Variants in RASGRF2 observed in about 807,000 individuals in gnomAD.
The protein encoded by RASGRF2 is ras-specific guanine nucleotide-releasing factor 2.
RASGRF2 carries 76 observed loss-of-function variants against 151.0 expected under a neutral mutation model. That is an observed-to-expected ratio of 0.50 (90% CI 0.42 to 0.61). The LOEUF (loss-of-function observed/expected upper bound fraction) is 0.61. Among genes scored for constraint, RASGRF2 ranks in the 20% least tolerant of loss-of-function variants. The pLI, the probability that RASGRF2 is intolerant of heterozygous loss-of-function variation, is 0.00. For synonymous variants in RASGRF2, 504 were observed against 566.5 expected (o/e 0.89, Z 1.57); for missense variants, 1,148 against 1,564.6 (o/e 0.73, Z 4.49).
intron 18 of RASGRF2, among the ~76,000 whole-genome samples, chr5:81,192,550 A>G (rs944704860): frequency 6.6e-6 from 1 of 152,242 alleles, no homozygotes; most frequent in African/African-American, 2.4e-5. Context: ...CGACGCAGGC[A>G]GGCCAGCGGT....
chr5:81,174,676 C>T (rs6895645), intron 17 of RASGRF2, among the ~76,000 whole-genome samples: 130,820 of 151,854 alleles, frequency 0.86, 56,578 homozygotes, highest in African/African-American at 0.93. Flanking sequence ...ATATCAGTCA[C>T]TTTTAAACTT....
At chr5:81,049,876 A>G (rs954168657) in intron 2 of RASGRF2, among the ~76,000 whole-genome samples, 4 of 152,108 alleles carry the variant, frequency 2.6e-5, no homozygotes, top group African/African-American at 9.7e-5. Flanking sequence ...GTAGAAATTC[A>G]CCAACATGTA....
intron 1 of RASGRF2, among the ~76,000 whole-genome samples, chr5:81,034,787 TG>T (rs1386521173): frequency 1.1e-5 from 1 of 89,584 alleles, no homozygotes; most frequent in African/African-American, 5.3e-5. Flanking sequence ...CATCACACTC[TG>T]GGGACTGTTG....
rs144394933 is a variant in RASGRF2, at chr5:81,230,099, C to G, written c.*4329C>G. On this transcript the variant is annotated 3_prime_UTR_variant, in exon 27 of 27. Transcript: ENST00000265080. ...GAGGGGTTTGTGCTGTGGCCTAACA[C>G]TTGCCAAGTGAGGTGTAGGTTATGC... 3 of 152,208 alleles carry G rather than the reference C, an allele frequency of 2.0e-5. No individual in the cohort carries two copies. The South Asian group carries it at 6.2e-4, about 32-fold the overall frequency. 9.4% of individuals were successfully genotyped at this position (152,208 alleles called of 1,614,324 possible).
Position 80,969,815 on chromosome 5 carries a change from CTTTTTTTTTTTTTTTT to C in RASGRF2, c.288+8802_288+8817del, listed in dbSNP as rs10584906. On this transcript the variant is annotated intron_variant, in intron 1 of 26. Coordinates refer to ENST00000265080, the MANE Select transcript of RASGRF2 (RefSeq NM_006909.3). ...ACAGATGCCAATAATACTTCTTCTT[CTTTTTTTTTTTTTTTT>C]TTTTTTTTTTTTGAGACAGAGTTTT... 2.2e-3 allele frequency among the ~76,000 whole-genome samples: 166 copies of C among 76,950 alleles called. 2 individuals are homozygous for C. The highest frequency in any genetic ancestry group is 1.0e-2 in the African/African-American group (148 of 14,820). The allele number at this position is 76,950 out of a possible 152,430, so 50.5% of individuals were successfully genotyped here.
chr5:81,080,179 A>T lies in RASGRF2; in HGVS notation c.946A>T (p.Asn316Tyr), dbSNP rs769439724. ...FHQGLKARIA[N>Y]WPTLILADLF... is the part of the protein sequence containing the mutation. ...TCAAGGACTAAAGGCAAGGATAGCA[A>T]ACTGGCCCACTTTAATTTTAGGTAA... is the stretch of plus-strand genomic sequence containing the variant. Residue 316 changes from asparagine to tyrosine, a missense_variant, in exon 6 of 27, where the codon AAC (asparagine) becomes TAC (tyrosine). Around this residue, in one of 5 missense-constraint regions of RASGRF2, gnomAD observed 176 missense variants for 309.6 expected, o/e 0.57. Coordinates refer to ENST00000265080, the MANE Select transcript of RASGRF2 (RefSeq NM_006909.3). 2 of 1,598,908 alleles carry T rather than the reference A, an allele frequency of 1.3e-6. No homozygotes were observed. The highest frequency in any genetic ancestry group is 4.5e-5 in the East Asian group (2 of 44,744).
rs141402181 is a variant in RASGRF2 at position 81,214,235 on chromosome 5, C to T, written c.3355-1641C>T. ...TGATTGTTTCAAAATTTGAATATACCATCTGTAGAGGCTCTAAATAAAATA... is the reference window on the plus strand; with the variant it reads ...TGATTGTTTCAAAATTTGAATATACTATCTGTAGAGGCTCTAAATAAAATA... On this transcript the variant is annotated intron_variant, in intron 23 of 26. Coordinates refer to ENST00000265080, the MANE Select transcript of RASGRF2 (RefSeq NM_006909.3). 1.1e-4 allele frequency among the ~76,000 whole-genome samples: 16 copies of T among 152,228 alleles called. No individual in the cohort carries two copies. In the East Asian group the frequency reaches 3.1e-3, roughly 29 times the overall value.
chr5:81,105,165 T>C (rs1293113248), intron 12 of RASGRF2, among the ~76,000 whole-genome samples: 3 of 152,222 alleles, frequency 2.0e-5, no homozygotes, highest in Non-Finnish European at 2.9e-5. Context: ...TTTGATGGGC[T>C]GCCAGGTAGC....
intron 9 of RASGRF2, among the ~76,000 whole-genome samples, chr5:81,091,889 G>C (rs1752399888): frequency 6.6e-6 from 1 of 152,158 alleles, no homozygotes; most frequent in Admixed American, 6.5e-5. Flanking sequence ...CCTGCAGAAG[G>C]CTGCATTTGG....
chr5:81,113,652 C>T lies in RASGRF2; in HGVS notation c.2202C>T (p.Ser734=). The part of the protein sequence containing the change: ...KFSSPPPLAV[S]RTSSPVRARK... Reference sequence around the variant, plus strand: ...CTTCCCCGCCACCACTGGCTGTGTCCAGAACATCTTCCCCAGTGAGGGCCA... The same window carrying T: ...CTTCCCCGCCACCACTGGCTGTGTCTAGAACATCTTCCCCAGTGAGGGCCA... The change falls in exon 15 of 27, where the codon TCC becomes TCT. Residue 734 remains serine (S), a synonymous_variant. Coordinates refer to ENST00000265080, the MANE Select transcript of RASGRF2 (RefSeq NM_006909.3). The T allele has an allele frequency of 6.2e-7, 1 of 1,612,744 alleles. No homozygotes were observed. Among genetic ancestry groups the T allele is most frequent in the Non-Finnish European group, 8.5e-7 (1 of 1,178,746 alleles).
chr5:81,061,997 CAAAAAAAA>C (rs34991044), intron 2 of RASGRF2, among the ~76,000 whole-genome samples: 6 of 44,006 alleles, frequency 1.4e-4, no homozygotes, highest in African/African-American at 3.2e-4. Context: ...TCCCAGCTGA[CAAAAAAAA>C]AAAAAAAAAA....
intron 1 of RASGRF2, among the ~76,000 whole-genome samples, chr5:81,027,715 C>A (rs1750085798): frequency 6.6e-6 from 1 of 152,188 alleles, no homozygotes; most frequent in Non-Finnish European, 1.5e-5. Flanking sequence ...AAAATCTTGT[C>A]AGTCTAAAAG....
chr5:81,200,270 T>C (rs1240138759), intron 18 of RASGRF2, among the ~76,000 whole-genome samples: 1 of 145,908 alleles, frequency 6.9e-6, no homozygotes, highest in African/African-American at 2.5e-5. Flanking sequence ...GACCCTGTGA[T>C]TTAAAAAAAA....
intron 5 of RASGRF2, among the ~76,000 whole-genome samples, chr5:81,078,053 A>T (rs2112473079): frequency 1.3e-5 from 2 of 152,336 alleles, no homozygotes; most frequent in East Asian, 1.9e-4. Context: ...AGAAATTTTT[A>T]AAACTTTTTT....
At position 81,180,204 on chromosome 5, in the gene RASGRF2, A is replaced by C. The variant is rs1023643891; in HGVS notation, c.2716A>C (p.Lys906Gln). ...TAACAACACCGAGAGAACATGTGATAAAGAGTTTATTATACGGAGAACGGC... is the reference window on the plus strand; with the variant it reads ...TAACAACACCGAGAGAACATGTGATCAAGAGTTTATTATACGGAGAACGGC... ...GFNNTERTCD[K>Q]EFIIRRTATN... The change falls in exon 18 of 27, where the codon AAA becomes CAA. Residue 906 changes from lysine (K) to glutamine (Q), a missense_variant. This residue lies in a region of RASGRF2 where 646 missense variants were observed against 807.4 expected (regional missense o/e 0.80). Coordinates refer to ENST00000265080, the MANE Select transcript of RASGRF2 (RefSeq NM_006909.3). 1 of 1,611,948 alleles carries C rather than the reference A, an allele frequency of 6.2e-7. No individual in the cohort carries two copies. Among genetic ancestry groups the C allele is most frequent in the Non-Finnish European group, 8.5e-7 (1 of 1,178,214 alleles).
chr5:81,089,072 A>G (rs1361255189), intron 9 of RASGRF2, among the ~76,000 whole-genome samples: 2 of 152,236 alleles, frequency 1.3e-5, no homozygotes, highest in African/African-American at 4.8e-5. Context: ...TCTAAAATTC[A>G]GACCTCAATC....
intron 16 of RASGRF2, 71 bp downstream of exon 16, chr5:81,123,838 C>A: frequency 1.4e-6 from 2 of 1,474,486 alleles, no homozygotes; most frequent in Admixed American, 2.3e-5. Context: ...CTTTCCTTTG[C>A]CTAATTGTTT....
intron 5 of RASGRF2, among the ~76,000 whole-genome samples, chr5:81,078,787 G>A (rs1278783447): frequency 6.6e-6 from 1 of 152,154 alleles, no homozygotes; most frequent in African/African-American, 2.4e-5. Flanking sequence ...TTCAACATAG[G>A]ACAGAGAAAT....
At chr5:80,999,759 G>A (rs1749019553) in intron 1 of RASGRF2, among the ~76,000 whole-genome samples, 1 of 152,176 alleles carries the variant, frequency 6.6e-6, no homozygotes, top group Non-Finnish European at 1.5e-5. Context: ...TTTCTTTAAT[G>A]AAGAGCTTTC....
Sources: allele counts gnomAD v4.1 joint callset (sites outside exome capture counted in the v4.1 genomes callset), GRCh38; gene constraint gnomAD v4.1.1; regional missense constraint gnomAD v4.1.1; transcripts MANE v1.5; gene names NCBI Gene and HGNC (gene_info 2026-07-23, HGNC 2026-07-21).